The following MVB12B variants were observed in gnomAD, a reference collection of about 807,000 sequenced individuals.
MVB12B encodes the protein ESCRT-I complex subunit MVB12B.
In MVB12B, 16 loss-of-function variants were observed where a neutral mutation model predicts 41.6. The ratio of observed to expected loss-of-function variants is 0.38; its 90% confidence interval spans 0.26 to 0.58. The LOEUF (loss-of-function observed/expected upper bound fraction) is 0.58, where lower values mean the gene tolerates loss of function less well. MVB12B is among the 20% of genes least tolerant of loss of function. The pLI is 0.62. For missense variants in MVB12B, 274 were observed against 380.2 expected (o/e 0.72, Z 2.32); for synonymous variants, 133 against 139.7 (o/e 0.95, Z 0.34).
intron 8 of MVB12B, among the ~76,000 whole-genome samples, chr9:126,482,690 C>T (rs1833549676): frequency 6.6e-6 from 1 of 152,228 alleles, no homozygotes; most frequent in Non-Finnish European, 1.5e-5. Context: ...TTTGGCAGCA[C>T]AGAGAGCACC....
At chr9:126,399,232 A>G (rs1011230077) in intron 6 of MVB12B, among the ~76,000 whole-genome samples, 8 of 152,206 alleles carry the variant, frequency 5.3e-5, no homozygotes. Flanking sequence ...ACATACAGAC[A>G]TCGCCACACA....
intron 6 of MVB12B, among the ~76,000 whole-genome samples, chr9:126,399,097 C>T (rs1336988891): frequency 6.6e-6 from 1 of 152,220 alleles, no homozygotes; most frequent in Admixed American, 6.5e-5. Context: ...TGGAGTTGTC[C>T]TTTTGGAGCA....
At chr9:126,447,249 C>CT (rs72294122) in intron 7 of MVB12B, among the ~76,000 whole-genome samples, 1,432 of 140,108 alleles carry the variant, frequency 0.01, 27 homozygotes, top group African/African-American at 0.032. Context: ...CCCCAGCCAC[C>CT]TTTTTTTTTT....
intron 9 of MVB12B, among the ~76,000 whole-genome samples, chr9:126,492,918 C>T (rs72758796): frequency 1.4e-3 from 214 of 152,326 alleles, no homozygotes; most frequent in Non-Finnish European, 2.4e-3. Flanking sequence ...TGTGTTCTCA[C>T]GCGAGCGTCT....
At chr9:126,365,649 C>G (rs1381863743) in intron 2 of MVB12B, among the ~76,000 whole-genome samples, 1 of 152,160 alleles carries the variant, frequency 6.6e-6, no homozygotes, top group African/African-American at 2.4e-5. Context: ...CCTCCAGAAT[C>G]TTTCAGACCA....
At chr9:126,384,128 C>T (rs540337928) in intron 3 of MVB12B, among the ~76,000 whole-genome samples, 10 of 152,166 alleles carry the variant, frequency 6.6e-5, no homozygotes, top group Non-Finnish European at 1.5e-4. Flanking sequence ...TTAGACCAGG[C>T]GACTCTGAAA....
At position 126,492,484 on chromosome 9, in the gene MVB12B, C is replaced by G. The variant is rs146532376; in HGVS notation, c.873+8452C>G. Among the ~76,000 whole-genome samples the G allele has an allele frequency of 1.6e-3, 245 of 152,188 alleles. 1 individual carries two copies. Among genetic ancestry groups the G allele is most frequent in the African/African-American group, 4.7e-3 (194 of 41,530 alleles). On this transcript the variant is annotated intron_variant, in intron 9 of 9. Coordinates refer to ENST00000361171, the MANE Select transcript of MVB12B (RefSeq NM_033446.3). ...AGTGGTGCCTGAGGGGACCTTTCCT[C>G]ACATCCTTATTCTAGCTAAGACTCA...
chr9:126,496,973 G>A (rs1212864411), intron 9 of MVB12B, among the ~76,000 whole-genome samples: 4 of 152,192 alleles, frequency 2.6e-5, no homozygotes, highest in African/African-American at 7.2e-5. Context: ...AGGCTTGGAG[G>A]AGACAGGAGG....
chr9:126,461,572 C>T (rs1232670065), intron 7 of MVB12B, among the ~76,000 whole-genome samples: 1 of 152,126 alleles, frequency 6.6e-6, no homozygotes, highest in Non-Finnish European at 1.5e-5. Flanking sequence ...ATATCTTTAA[C>T]GTTTTTCTAT....
At chr9:126,411,079 G>A (rs1831635411) in intron 6 of MVB12B, among the ~76,000 whole-genome samples, 1 of 151,926 alleles carries the variant, frequency 6.6e-6, no homozygotes. Context: ...AGTAGAAACG[G>A]GGTTTCACCA....
At chr9:126,356,580 G>C (rs550818179) in intron 2 of MVB12B, among the ~76,000 whole-genome samples, 6 of 152,168 alleles carry the variant, frequency 3.9e-5, no homozygotes, top group Non-Finnish European at 7.4e-5. Context: ...CCCCTAAAAG[G>C]TTCCTCCTAC....
chr9:126,489,188 G>A (rs1833681652), intron 9 of MVB12B, among the ~76,000 whole-genome samples: 1 of 152,230 alleles, frequency 6.6e-6, no homozygotes, highest in Non-Finnish European at 1.5e-5. Context: ...GTGTCTGCAG[G>A]GACCCTCATG....
At chr9:126,479,709 C>T (rs1245763007) in intron 7 of MVB12B, among the ~76,000 whole-genome samples, 1 of 152,232 alleles carries the variant, frequency 6.6e-6, no homozygotes, top group Non-Finnish European at 1.5e-5. Context: ...AGCAGCCACA[C>T]TGGGCAGCGG....
At chr9:126,487,423 C>T (rs1833643363) in intron 9 of MVB12B, among the ~76,000 whole-genome samples, 1 of 152,174 alleles carries the variant, frequency 6.6e-6, no homozygotes, top group Admixed American at 6.5e-5. Context: ...CCCTGTGGAC[C>T]AAGGTCAGCT....
At chr9:126,334,860 G>A (rs1486478938) in intron 1 of MVB12B, among the ~76,000 whole-genome samples, 3 of 152,218 alleles carry the variant, frequency 2.0e-5, no homozygotes. Context: ...CTGTGCTGTA[G>A]AACTTGATCC....
In MVB12B at chr9:126,416,950, TCTC is replaced by T. The variant is rs1831844051; in HGVS notation, c.663-4901_663-4899del. On this transcript the variant is annotated intron_variant, in intron 6 of 9. Coordinates refer to ENST00000361171, the MANE Select transcript of MVB12B (RefSeq NM_033446.3). ...GACACCAAAGCACTCCTGGGCCACT[TCTC>T]CTTCGGCAGGTGACTTGTCCTGTTT... 2.0e-5 allele frequency among the ~76,000 whole-genome samples: 3 copies of T among 152,288 alleles called. No individual in the cohort carries two copies. In the South Asian group the frequency reaches 6.2e-4, roughly 32 times the overall value.
At chr9:126,352,710 G>A (rs1014832435) in intron 2 of MVB12B, among the ~76,000 whole-genome samples, 5 of 152,060 alleles carry the variant, frequency 3.3e-5, no homozygotes, top group Non-Finnish European at 5.9e-5. Flanking sequence ...TTTTTTAGTT[G>A]TACTTACTGG....
Position 126,337,427 on chromosome 9 carries a change from CT to C in MVB12B, c.82-3079del, listed in dbSNP as rs542482013. Among the ~76,000 whole-genome samples, 895 of 152,286 alleles carry C rather than the reference CT, an allele frequency of 5.9e-3. 12 individuals carry two copies. The highest frequency in any genetic ancestry group is 0.02 in the Middle Eastern group (6 of 294). On this transcript the variant is annotated intron_variant, in intron 1 of 9. Coordinates refer to ENST00000361171, the MANE Select transcript of MVB12B (RefSeq NM_033446.3). ...AAATTAATCCCGTGTTACTTTTATCCTTCTGTACTTTTTCCCCCTTGCTTGA... is the reference window on the plus strand; with the variant it reads ...AAATTAATCCCGTGTTACTTTTATCCTCTGTACTTTTTCCCCCTTGCTTGA...
intron 9 of MVB12B, among the ~76,000 whole-genome samples, chr9:126,489,424 G>C (rs533481104): frequency 2.3e-4 from 35 of 152,294 alleles, no homozygotes; most frequent in African/African-American, 8.4e-4. Flanking sequence ...TCTTCACCAG[G>C]GTCTCCCCAA....
Sources: allele counts gnomAD v4.1 joint callset (sites outside exome capture counted in the v4.1 genomes callset), GRCh38; gene constraint gnomAD v4.1.1; transcripts MANE v1.5; gene names NCBI Gene and HGNC (gene_info 2026-07-23, HGNC 2026-07-21).